Variants in CTNNA3 observed in about 807,000 individuals in gnomAD.
CTNNA3 encodes catenin alpha 3.
CTNNA3 carries 76 observed loss-of-function variants against 95.7 expected under a neutral mutation model. That is an observed-to-expected ratio of 0.79 (90% CI 0.66 to 0.96). CTNNA3 has a LOEUF of 0.96. CTNNA3 is among the 40% of genes least tolerant of loss of function. CTNNA3 has a pLI of 0.00. For synonymous variants in CTNNA3, 431 were observed against 374.4 expected (o/e 1.15, Z -1.74); for missense variants, 1,191 against 1,089.8 (o/e 1.09, Z -1.31).
chr10:66,406,625 A>C (rs186323875), intron 11 of CTNNA3, among the ~76,000 whole-genome samples: 1 of 152,282 alleles, frequency 6.6e-6, no homozygotes, highest in East Asian at 1.9e-4. Flanking sequence ...ACACAAAGAG[A>C]TAATTAGTAT....
In CTNNA3 at chr10:67,270,180, C is replaced by T. The variant is rs149008132; in HGVS notation, c.580-50310G>A. 2.4e-4 allele frequency among the ~76,000 whole-genome samples: 36 copies of T among 149,356 alleles called. 1 individual carries two copies. The highest frequency in any genetic ancestry group is 8.8e-4 in the African/African-American group (36 of 40,830). ...TACAGAACCTGATTTGTCCCTTTTT[C>T]GAGTATACACGTCTACAAAAATTAA... On this transcript the variant is annotated intron_variant, in intron 5 of 17. Transcript: ENST00000433211.
At position 67,571,260 on chromosome 10, in the gene CTNNA3, G is replaced by T. The variant is rs1841965835; in HGVS notation, c.293-31591C>A. Among the ~76,000 whole-genome samples, 4 of 152,156 alleles carry T rather than the reference G, an allele frequency of 2.6e-5. No homozygotes were observed. The South Asian group carries it at 8.3e-4, about 32-fold the overall frequency. On this transcript the variant is annotated intron_variant, in intron 3 of 17. Transcript: ENST00000433211. ...CCTGGTTAGTTATTCACAGAGTTGG[G>T]ATTGCCTTTCAAGTTTATACTAAAG...
chr10:67,733,141 T>C (rs1016465240), intron 1 of CTNNA3, among the ~76,000 whole-genome samples: 9 of 152,222 alleles, frequency 5.9e-5, no homozygotes, highest in African/African-American at 2.2e-4. Context: ...GCAAGGATTA[T>C]AATGAGTTAA....
At chr10:66,937,352 T>A (rs183738048) in intron 7 of CTNNA3, among the ~76,000 whole-genome samples, 1 of 152,290 alleles carries the variant, frequency 6.6e-6, no homozygotes, top group African/African-American at 2.4e-5. Flanking sequence ...ATTTCATATA[T>A]AATCTAATAC....
chr10:66,514,264 A>G (rs1214462824), intron 11 of CTNNA3, among the ~76,000 whole-genome samples: 3 of 152,156 alleles, frequency 2.0e-5, no homozygotes, highest in African/African-American at 4.8e-5. Flanking sequence ...ACATTCAGCA[A>G]ATACCTATTA....
intron 6 of CTNNA3, among the ~76,000 whole-genome samples, chr10:67,215,711 G>C (rs78591427): frequency 0.021 from 3,234 of 152,142 alleles, 101 homozygotes; most frequent in African/African-American, 0.073. Context: ...CTGCTATTCG[G>C]GTTAGTGTTA....
At chr10:67,263,439 A>G (rs1242103791) in intron 5 of CTNNA3, among the ~76,000 whole-genome samples, 1 of 152,200 alleles carries the variant, frequency 6.6e-6, no homozygotes, top group Non-Finnish European at 1.5e-5. Flanking sequence ...AATTGTGCAG[A>G]ATCTTTTCCT....
At chr10:67,660,557 G>A (rs1298725722) in intron 1 of CTNNA3, among the ~76,000 whole-genome samples, 3 of 152,140 alleles carry the variant, frequency 2.0e-5, no homozygotes, top group African/African-American at 4.8e-5. Flanking sequence ...ACTATTTGAG[G>A]TTGAATGCAA....
chr10:66,729,223 A>G (rs753596395), intron 9 of CTNNA3, among the ~76,000 whole-genome samples: 8 of 152,246 alleles, frequency 5.3e-5, no homozygotes, highest in Non-Finnish European at 1.0e-4. Flanking sequence ...ACTGATCATT[A>G]GAGAAATGCA....
intron 7 of CTNNA3, among the ~76,000 whole-genome samples, chr10:66,780,601 A>T (rs1221857366): frequency 6.6e-6 from 1 of 152,234 alleles, no homozygotes; most frequent in African/African-American, 2.4e-5. Context: ...TGAAGGGCTC[A>T]TAAAGAGCTC....
At chr10:66,031,180 A>G (rs2079442273) in intron 15 of CTNNA3, among the ~76,000 whole-genome samples, 1 of 152,184 alleles carries the variant, frequency 6.6e-6, no homozygotes, top group Non-Finnish European at 1.5e-5. Flanking sequence ...TAGAACTATA[A>G]TTTGACCCAG....
intron 13 of CTNNA3, among the ~76,000 whole-genome samples, chr10:66,117,522 A>T (rs986626959): frequency 1.3e-5 from 2 of 152,182 alleles, no homozygotes; most frequent in African/African-American, 4.8e-5. Flanking sequence ...TTGAGTAATG[A>T]AAGATGAGCT....
intron 5 of CTNNA3, among the ~76,000 whole-genome samples, chr10:67,418,734 G>A (rs1427085316): frequency 6.6e-6 from 1 of 152,020 alleles, no homozygotes; most frequent in Non-Finnish European, 1.5e-5. Context: ...TTAGATGGAA[G>A]GAATAAGTTC....
intron 7 of CTNNA3, among the ~76,000 whole-genome samples, chr10:67,016,579 G>A (rs7087677): frequency 0.88 from 133,836 of 152,142 alleles, 59,817 homozygotes; most frequent in Middle Eastern, 0.98. Context: ...GGATTTCTAC[G>A]TGGTTATTCT....
At chr10:66,950,734 C>T (rs1848495771) in intron 7 of CTNNA3, among the ~76,000 whole-genome samples, 1 of 152,144 alleles carries the variant, frequency 6.6e-6, no homozygotes, top group Admixed American at 6.6e-5. Context: ...ACATGCAAAA[C>T]ATTTATTCAG....
At chr10:67,448,526 A>T (rs868745205) in intron 5 of CTNNA3, among the ~76,000 whole-genome samples, 30 of 152,168 alleles carry the variant, frequency 2.0e-4, no homozygotes, top group African/African-American at 5.0e-4. Context: ...TTCATGATTT[A>T]AAAAACTCCT....
chr10:67,267,116 T>C (rs964631839), intron 5 of CTNNA3, among the ~76,000 whole-genome samples: 21 of 152,130 alleles, frequency 1.4e-4, no homozygotes, highest in African/African-American at 5.1e-4. Context: ...TGACCCAAAT[T>C]AGTAGGCACA....
chr10:66,136,091 C>T (rs1033336947), intron 13 of CTNNA3, among the ~76,000 whole-genome samples: 2 of 151,692 alleles, frequency 1.3e-5, no homozygotes, highest in South Asian at 4.2e-4. Flanking sequence ...TTAGTAGAGA[C>T]GGGGGTTTCA....
At chr10:66,254,408 A>G (rs1003595381) in intron 13 of CTNNA3, among the ~76,000 whole-genome samples, 6 of 152,142 alleles carry the variant, frequency 3.9e-5, no homozygotes, top group African/African-American at 1.4e-4. Flanking sequence ...TATAAATGTA[A>G]TCATTCCTCA....
Sources: gnomAD v4.1 joint callset for allele counts (sites outside exome capture counted in the v4.1 genomes callset) on GRCh38, gnomAD v4.1.1 for gene constraint, MANE v1.5 for transcripts, NCBI Gene and HGNC (gene_info 2026-07-23, HGNC 2026-07-21) for gene names.